Variants in SHQ1 observed in about 807,000 individuals in gnomAD.
The protein encoded by SHQ1 is protein SHQ1 homolog.
Under a neutral mutation model 53.8 loss-of-function variants are expected in SHQ1, and 49 were observed. That is an observed-to-expected ratio of 0.91 (90% CI 0.72 to 1.16). SHQ1 has a LOEUF of 1.16. Ranked by LOEUF, SHQ1 falls within the 50% of genes most tolerant of loss-of-function variation. The pLI is 0.00. For missense variants in SHQ1, 738 were observed against 683.1 expected (o/e 1.08, Z -0.90); for synonymous variants, 243 against 251.0 (o/e 0.97, Z 0.30).
In SHQ1 at chr3:72,817,270, G is replaced by A. The variant is rs568553350; in HGVS notation, c.842C>T (p.Ala281Val). 2 of 1,613,750 alleles carry A rather than the reference G, an allele frequency of 1.2e-6. No homozygotes were observed. Among genetic ancestry groups the A allele is most frequent in the East Asian group, 4.5e-5 (2 of 44,880 alleles). The change falls in exon 7 of 11, where the codon GCA (alanine) becomes GTA (valine). Residue 281 changes from alanine (A) to valine (V), a missense_variant. By Grantham distance (64) the Ala-to-Val change is moderately conservative. Coordinates refer to ENST00000325599, the MANE Select transcript of SHQ1 (RefSeq NM_018130.3). ...VCYSLIDILL[A>V]YCYETRVTEG... ...AGTGACACGGGTTTCATAGCAATAT[G>A]CCAGAAGGATATCAATCAAACTGTA... is the stretch of plus-strand genomic sequence containing the variant.
downstream of SHQ1, among the ~76,000 whole-genome samples, chr3:72,749,082 T>C (rs1705313280): frequency 1.3e-5 from 2 of 152,144 alleles, no homozygotes. Flanking sequence ...AGACTGACCA[T>C]ATCAATAACC....
intron 5 of SHQ1, among the ~76,000 whole-genome samples, chr3:72,830,112 C>CA (rs202235555): frequency 0.1 from 8,898 of 88,986 alleles, 732 homozygotes; most frequent in African/African-American, 0.26. Context: ...CAAAACATGC[C>CA]AAAAAAAAAA....
the SHQ1 span, among the ~76,000 whole-genome samples, chr3:72,729,234 G>A: frequency 2.0e-5 from 3 of 152,166 alleles, no homozygotes; most frequent in African/African-American, 7.2e-5. Context: ...ATTGGGTTTT[G>A]AGCCACCCCA....
intron 10 of SHQ1, among the ~76,000 whole-genome samples, chr3:72,792,437 T>A (rs910307078): frequency 3.3e-5 from 5 of 152,196 alleles, no homozygotes; most frequent in Non-Finnish European, 5.9e-5. Context: ...AAGCTCCCCA[T>A]GTTAATCCAG....
chr3:72,803,607 C>G (rs1706855909), intron 9 of SHQ1, among the ~76,000 whole-genome samples: 1 of 152,166 alleles, frequency 6.6e-6, no homozygotes. Context: ...ATGTACATAC[C>G]TAAGGCAGAG....
At position 72,832,412 on chromosome 3, in the gene SHQ1, G is replaced by A. The variant is rs768385571; in HGVS notation, c.556C>T (p.Arg186Cys). Residue 186 changes from arginine (R) to cysteine (C), a missense_variant, in exon 5 of 11, where the codon CGC (arginine) becomes TGC (cysteine). By Grantham distance (180) the Arg-to-Cys change is radical. Transcript: ENST00000325599. ...AACTTGGCCAGCTCAGCGGCCAGGC[G>A]CTTCTGTCTTCGTTCAGCTGCAGGG... The part of the protein sequence containing the change: ...FTPAAERRQK[R>C]LAAELAKFDP... The A allele has an allele frequency of 3.7e-6, 6 of 1,612,616 alleles. No individual in the cohort carries two copies. Among genetic ancestry groups the A allele is most frequent in the South Asian group, 1.1e-5 (1 of 91,004 alleles).
At chr3:72,764,348 A>G (rs983243821) in intron 10 of SHQ1, among the ~76,000 whole-genome samples, 6 of 152,170 alleles carry the variant, frequency 3.9e-5, no homozygotes, top group Non-Finnish European at 7.3e-5. Context: ...TGCCCAGACT[A>G]CTAAGGTTTG....
intron 2 of SHQ1, among the ~76,000 whole-genome samples, chr3:72,842,738 A>T (rs1708211398): frequency 6.6e-6 from 1 of 152,232 alleles, no homozygotes; most frequent in Admixed American, 6.5e-5. Flanking sequence ...AGATAGAAAA[A>T]GGTTCTTAAC....
chr3:72,762,777 C>T (rs1181095896), intron 10 of SHQ1, among the ~76,000 whole-genome samples: 1 of 152,076 alleles, frequency 6.6e-6, no homozygotes, highest in Non-Finnish European at 1.5e-5. Flanking sequence ...TAGGTTAGAG[C>T]AATTCTCCTG....
intron 6 of SHQ1, among the ~76,000 whole-genome samples, chr3:72,821,091 A>T (rs17010184): frequency 0.22 from 33,158 of 152,112 alleles, 3,840 homozygotes; most frequent in Non-Finnish European, 0.24. Flanking sequence ...TACATTGTAC[A>T]TTCACTGGAA....
chr3:72,746,541 G>A (rs549993293), downstream of SHQ1, among the ~76,000 whole-genome samples: 9 of 152,266 alleles, frequency 5.9e-5, no homozygotes, highest in African/African-American at 2.2e-4. Flanking sequence ...CAAAGAAAGG[G>A]TAGGAGAAAC....
At chr3:72,776,825 GTAAT>G (rs1705966183) in intron 10 of SHQ1, among the ~76,000 whole-genome samples, 2 of 152,142 alleles carry the variant, frequency 1.3e-5, no homozygotes, top group Non-Finnish European at 2.9e-5. Flanking sequence ...TAAAGCTACA[GTAAT>G]TAAGAAAGTA....
At chr3:72,792,815 A>AAAAAAT in intron 10 of SHQ1, 101 bp downstream of exon 10, 3 of 802,900 alleles carry the variant, frequency 3.7e-6, no homozygotes, top group East Asian at 3.1e-5. Context: ...AAAAAAACAC[A>AAAAAAT]ACTTACTCCT....
intron 10 of SHQ1, among the ~76,000 whole-genome samples, chr3:72,754,385 T>C (rs1705454981): frequency 7.6e-5 from 10 of 131,952 alleles, no homozygotes; most frequent in Admixed American, 7.2e-4. Flanking sequence ...TTTCTTCTTC[T>C]TTTTTTTTTT....
intron 10 of SHQ1, chr3:72,773,179 C>T (rs2106742385): frequency 2.7e-6 from 2 of 734,814 alleles, no homozygotes; most frequent in South Asian, 2.8e-5. Flanking sequence ...AAAAACCAGT[C>T]CAGAGTTTTC....
chr3:72,768,836 C>T (rs955503906), intron 10 of SHQ1, among the ~76,000 whole-genome samples: 15 of 152,300 alleles, frequency 9.8e-5, no homozygotes, highest in Middle Eastern at 3.4e-3. Context: ...TGTGTGCCCC[C>T]AGTATGTTTT....
chr3:72,775,029 C>T (rs1161802173), intron 10 of SHQ1, among the ~76,000 whole-genome samples: 1 of 152,090 alleles, frequency 6.6e-6, no homozygotes, highest in Non-Finnish European at 1.5e-5. Context: ...ACAGGAGAAT[C>T]GCTTGAACCA....
chr3:72,812,842 C>T, intron 8 of SHQ1, 48 bp from the exon 9 acceptor site: 2 of 1,608,766 alleles, frequency 1.2e-6, no homozygotes, highest in South Asian at 1.1e-5. Flanking sequence ...AAATGTTACA[C>T]AAACAAAAGT....
chr3:72,808,324 C>A lies in SHQ1; in HGVS notation c.1060+4347G>T, dbSNP rs1263974798. Among the ~76,000 whole-genome samples the A allele has an allele frequency of 2.6e-5, 4 of 152,262 alleles. No homozygotes were observed. The East Asian group carries it at 5.8e-4, about 22-fold the overall frequency. ...CAACCTTGTTTCAGCTACACCCCAC[C>A]CACTTTCCCACAACCCACTCTGGAC... On this transcript the variant is annotated intron_variant, in intron 9 of 10. Coordinates refer to ENST00000325599, the MANE Select transcript of SHQ1 (RefSeq NM_018130.3).
Sources: gnomAD v4.1 joint callset for allele counts (sites outside exome capture counted in the v4.1 genomes callset) on GRCh38, gnomAD v4.1.1 for gene constraint, MANE v1.5 for transcripts, NCBI Gene and HGNC (gene_info 2026-07-23, HGNC 2026-07-21) for gene names.